Variants in MYO1E observed in about 807,000 individuals in gnomAD.
The protein encoded by MYO1E is unconventional myosin-Ie.
A neutral mutation model predicts 151.1 loss-of-function variants in MYO1E; 68 were observed. That is an observed-to-expected ratio of 0.45 (90% CI 0.37 to 0.55). The LOEUF is 0.55. Ranked by LOEUF, MYO1E falls within the 20% of genes least tolerant of loss-of-function variation. MYO1E has a pLI of 0.00. For synonymous variants in MYO1E, 601 were observed against 501.7 expected (o/e 1.20, Z -2.64); for missense variants, 1,363 against 1,389.3 (o/e 0.98, Z 0.30).
chr15:59,359,155 G>A (rs972948314), intron 1 of MYO1E, among the ~76,000 whole-genome samples: 6 of 151,842 alleles, frequency 4.0e-5, no homozygotes, highest in African/African-American at 1.2e-4. Context: ...GTTGGGCACA[G>A]TAGCTGTCAC....
intron 9 of MYO1E, 35 bp downstream of exon 9, chr15:59,223,024 C>T (rs1488445803): frequency 1.1e-5 from 18 of 1,612,740 alleles, no homozygotes; most frequent in Non-Finnish European, 1.4e-5. Flanking sequence ...AGCTAGCCAC[C>T]CCTCATTCAA....
At chr15:59,278,911 C>G (rs140231289) in intron 1 of MYO1E, among the ~76,000 whole-genome samples, 4 of 152,192 alleles carry the variant, frequency 2.6e-5, no homozygotes, top group African/African-American at 9.6e-5. Context: ...AATGGAGAAA[C>G]TGAAGCTTGG....
At chr15:59,165,059 C>T (rs537050664) in intron 22 of MYO1E, among the ~76,000 whole-genome samples, 1 of 152,288 alleles carries the variant, frequency 6.6e-6, no homozygotes, top group South Asian at 2.1e-4. Context: ...CACCAGACAC[C>T]ACATCTGCCT....
intron 1 of MYO1E, among the ~76,000 whole-genome samples, chr15:59,361,799 T>A (rs2080886807): frequency 6.6e-6 from 1 of 152,094 alleles, no homozygotes. Flanking sequence ...TTGGTGTGGA[T>A]CTTTCTAGTC....
chr15:59,186,364 C>G lies in MYO1E; in HGVS notation c.1904+1754G>C, dbSNP rs534885176. Among the ~76,000 whole-genome samples the G allele has an allele frequency of 1.5e-4, 22 of 150,944 alleles. No individual in the cohort carries two copies. In the South Asian group the frequency reaches 4.4e-3, roughly 30 times the overall value. ...TATTAGAAATACTAGATTCCAAAGA[C>G]AGTAATTAACTTCTTCTTCAGTTAT... On this transcript the variant is annotated intron_variant, in intron 18 of 27. Coordinates refer to ENST00000288235, the MANE Select transcript of MYO1E (RefSeq NM_004998.4).
At chr15:59,297,437 A>ATTTTTTTTTTTTTTTTTTTTTTTTTTT (rs755470049) in intron 1 of MYO1E, among the ~76,000 whole-genome samples, 3 of 63,488 alleles carry the variant, frequency 4.7e-5, no homozygotes, top group African/African-American at 1.2e-4. Context: ...CACCCAGCTA[A>ATTTTTTTTTTTTTTTTTTTTTTTTTTT]TTTTTTTTTT....
chr15:59,368,941 T>C (rs2080929716), intron 1 of MYO1E, among the ~76,000 whole-genome samples: 1 of 152,226 alleles, frequency 6.6e-6, no homozygotes, highest in Non-Finnish European at 1.5e-5. Context: ...CTCACACTTG[T>C]CCCTAGATAA....
intron 1 of MYO1E, among the ~76,000 whole-genome samples, chr15:59,366,784 A>T (rs2080916357): frequency 6.6e-6 from 1 of 152,156 alleles, no homozygotes; most frequent in Non-Finnish European, 1.5e-5. Flanking sequence ...CTGAAACTGA[A>T]ATTCAAAACA....
At chr15:59,151,512 A>G (rs947121536) in intron 26 of MYO1E, among the ~76,000 whole-genome samples, 2 of 152,220 alleles carry the variant, frequency 1.3e-5, no homozygotes, top group Non-Finnish European at 2.9e-5. Context: ...AAGACTTGCC[A>G]GGGCAAAAGG....
chr15:59,181,267 G>A (rs1363452974), intron 18 of MYO1E, among the ~76,000 whole-genome samples: 2 of 152,182 alleles, frequency 1.3e-5, no homozygotes. Flanking sequence ...GTGAGGAAGT[G>A]TAAATCATGC....
chr15:59,372,455 G>A (rs1228194913), intron 1 of MYO1E, 43 bp downstream of exon 1: 7 of 1,536,488 alleles, frequency 4.6e-6, no homozygotes, highest in African/African-American at 2.7e-5. Flanking sequence ...TTCCTGCCCC[G>A]TCCCCGGGTC....
intron 1 of MYO1E, among the ~76,000 whole-genome samples, chr15:59,283,145 A>G (rs1360923373): frequency 6.6e-6 from 1 of 151,082 alleles, no homozygotes; most frequent in Non-Finnish European, 1.5e-5. Context: ...GAACCCCTCA[A>G]GGTAGCTGCG....
At chr15:59,369,952 A>G (rs998374466) in intron 1 of MYO1E, among the ~76,000 whole-genome samples, 4 of 151,930 alleles carry the variant, frequency 2.6e-5, no homozygotes, top group African/African-American at 9.7e-5. Context: ...AGCCCAGCCA[A>G]GGGCCTTCTT....
chr15:59,357,795 G>T (rs147967821), intron 1 of MYO1E, among the ~76,000 whole-genome samples: 2 of 152,068 alleles, frequency 1.3e-5, no homozygotes, highest in African/African-American at 2.4e-5. Context: ...CAGAGTTAAG[G>T]CTGGTTTAAA....
intron 18 of MYO1E, among the ~76,000 whole-genome samples, chr15:59,187,265 A>G (rs1406046983): frequency 1.3e-5 from 2 of 152,238 alleles, no homozygotes; most frequent in African/African-American, 2.4e-5. Flanking sequence ...AAAACACCCA[A>G]TTAAAAAATG....
At chr15:59,160,341 G>A (rs1350286444) in intron 24 of MYO1E, among the ~76,000 whole-genome samples, 1 of 115,176 alleles carries the variant, frequency 8.7e-6, no homozygotes, top group African/African-American at 5.1e-5. Flanking sequence ...TAGTGCGTGT[G>A]TGTGTGTGTG....
Position 59,214,693 on chromosome 15 carries a change from G to A in MYO1E, c.1135C>T (p.His379Tyr), listed in dbSNP as rs150983259. ...AGGACGCCAATGTTGTATTCTTCATGGTCTTTCTCCATGGCTTTATTGATG... is the reference window on the plus strand; with the variant it reads ...AGGACGCCAATGTTGTATTCTTCATAGTCTTTCTCCATGGCTTTATTGATG... ...DSINKAMEKD[H>Y]EEYNIGVLDI... The change falls in exon 11 of 28, where the codon CAT becomes TAT. Residue 379 changes from histidine to tyrosine, a missense_variant. Transcript: ENST00000288235. 1 of 1,613,534 alleles carries A rather than the reference G, an allele frequency of 6.2e-7. No individual in the cohort carries two copies. The highest frequency in any genetic ancestry group is 1.3e-5 in the African/African-American group (1 of 74,892).
intron 1 of MYO1E, among the ~76,000 whole-genome samples, chr15:59,347,694 A>G (rs965844114): frequency 2.6e-5 from 4 of 152,136 alleles, no homozygotes; most frequent in Non-Finnish European, 5.9e-5. Flanking sequence ...ATATGAATTT[A>G]ACATAAGATA....
chr15:59,232,317 G>C (rs562263179), intron 5 of MYO1E, among the ~76,000 whole-genome samples: 29 of 152,274 alleles, frequency 1.9e-4, no homozygotes, highest in African/African-American at 7.0e-4. Flanking sequence ...GAATCACCTG[G>C]GGATCTTGTC....
Sources: allele counts gnomAD v4.1 joint callset (sites outside exome capture counted in the v4.1 genomes callset), GRCh38; gene constraint gnomAD v4.1.1; transcripts MANE v1.5; gene names NCBI Gene and HGNC (gene_info 2026-07-23, HGNC 2026-07-21).